BNC2: variants seen among roughly 807,000 people sequenced by gnomAD.
The protein encoded by BNC2 is zinc finger protein basonuclin-2.
Under a neutral mutation model 76.3 loss-of-function variants are expected in BNC2, and 20 were observed. The ratio of observed to expected loss-of-function variants is 0.26; its 90% confidence interval spans 0.18 to 0.38. The LOEUF is 0.38. BNC2 is among the 10% of genes least tolerant of loss of function. The pLI is 1.00. For missense variants in BNC2, 1,382 were observed against 1,399.8 expected (o/e 0.99, Z 0.20); for synonymous variants, 582 against 514.8 (o/e 1.13, Z -1.77).
intron 1 of BNC2, among the ~76,000 whole-genome samples, chr9:16,829,321 C>A (rs1417883485): frequency 6.6e-6 from 1 of 152,176 alleles, no homozygotes; most frequent in African/African-American, 2.4e-5. Context: ...CTCCTGGCCC[C>A]TACTCACCCT....
chr9:16,559,159 G>T (rs1186019502), intron 4 of BNC2, among the ~76,000 whole-genome samples: 3 of 152,136 alleles, frequency 2.0e-5, no homozygotes, highest in African/African-American at 7.2e-5. Flanking sequence ...AACCCTTTAA[G>T]TATCAACTAT....
intron 1 of BNC2, among the ~76,000 whole-genome samples, chr9:16,763,460 C>G: frequency 6.6e-6 from 1 of 151,980 alleles, no homozygotes; most frequent in Non-Finnish European, 1.5e-5. Context: ...GTCCCAGCTA[C>G]ATGGGAAGCT....
chr9:16,600,760 GAAGT>G (rs1820222651), intron 3 of BNC2, among the ~76,000 whole-genome samples: 1 of 152,118 alleles, frequency 6.6e-6, no homozygotes, highest in East Asian at 1.9e-4. Flanking sequence ...TCTGGTGTTA[GAAGT>G]AATATAAAGA....
intron 3 of BNC2, 32 bp downstream of exon 3, chr9:16,727,762 AAAG>A: frequency 6.3e-7 from 1 of 1,578,008 alleles, no homozygotes; most frequent in Admixed American, 1.8e-5. Flanking sequence ...TTCTTAAAAA[AAAG>A]AAAAAAAAAA....
intron 3 of BNC2, among the ~76,000 whole-genome samples, chr9:16,722,456 C>G (rs1201362317): frequency 1.3e-5 from 2 of 152,128 alleles, no homozygotes; most frequent in East Asian, 1.9e-4. Flanking sequence ...TGAATATACA[C>G]TCATAAATAT....
chr9:16,757,762 C>T (rs573247790), intron 1 of BNC2, among the ~76,000 whole-genome samples: 1 of 148,914 alleles, frequency 6.7e-6, no homozygotes, highest in East Asian at 1.9e-4. Flanking sequence ...GCATCAAGTT[C>T]GTTCTGTTAT....
chr9:16,519,098 G>A (rs1316292130), intron 5 of BNC2, among the ~76,000 whole-genome samples: 3 of 152,136 alleles, frequency 2.0e-5, no homozygotes, highest in Non-Finnish European at 4.4e-5. Flanking sequence ...TTTTAAACAG[G>A]GATGAATGCC....
rs765160831 is a variant in BNC2 at position 16,507,670 on chromosome 9, G to A, written c.669+44860C>T. Among the ~76,000 whole-genome samples, 4 of 152,162 alleles carry A rather than the reference G, an allele frequency of 2.6e-5. No homozygotes were observed. In the South Asian group the frequency reaches 6.2e-4, roughly 24 times the overall value. On this transcript the variant is annotated intron_variant, in intron 5 of 6. Transcript: ENST00000380672. ...TCTTGAACTCCTGACCTTGTGATCCGCCTGCCTTGGCTTCCCAAAGTGCTG... is the reference window on the plus strand; with the variant it reads ...TCTTGAACTCCTGACCTTGTGATCCACCTGCCTTGGCTTCCCAAAGTGCTG...
At chr9:16,726,649 A>G (rs909661810) in intron 3 of BNC2, among the ~76,000 whole-genome samples, 5 of 151,994 alleles carry the variant, frequency 3.3e-5, no homozygotes, top group Non-Finnish European at 7.3e-5. Context: ...TTAAAATCCA[A>G]GTATATTTGT....
intron 5 of BNC2, among the ~76,000 whole-genome samples, chr9:16,490,260 A>T (rs139953262): frequency 2.6e-3 from 390 of 152,282 alleles, no homozygotes; most frequent in Admixed American, 0.017. Context: ...AGGCACTTCT[A>T]ACATGGCAGC....
At chr9:16,569,526 T>C (rs1819261090) in intron 4 of BNC2, among the ~76,000 whole-genome samples, 1 of 152,114 alleles carries the variant, frequency 6.6e-6, no homozygotes, top group African/African-American at 2.4e-5. Context: ...TTACGCATAA[T>C]AAAGTCCTCA....
rs192900710 is a variant in BNC2 at position 16,735,565 on chromosome 9, C to A, written c.129+2795G>T. Among the ~76,000 whole-genome samples, 256 of 152,186 alleles carry A rather than the reference C, an allele frequency of 1.7e-3. 2 individuals are homozygous for A. The highest frequency in any genetic ancestry group is 5.8e-3 in the African/African-American group (242 of 41,540). Reference sequence around the variant, plus strand: ...AGGCTGGAGTGCAGTGCCGTGATCTCGGGTTACTGCAAGCTCCACCTCCTG... The same window carrying A: ...AGGCTGGAGTGCAGTGCCGTGATCTAGGGTTACTGCAAGCTCCACCTCCTG... On this transcript the variant is annotated intron_variant, in intron 2 of 6. Transcript: ENST00000380672.
intron 3 of BNC2, among the ~76,000 whole-genome samples, chr9:16,697,007 C>T (rs1306230062): frequency 6.6e-6 from 1 of 152,202 alleles, no homozygotes; most frequent in Non-Finnish European, 1.5e-5. Flanking sequence ...ATCTCTAGAA[C>T]ATGACTCCAA....
chr9:16,785,415 G>C (rs998211162), intron 1 of BNC2, among the ~76,000 whole-genome samples: 3 of 152,056 alleles, frequency 2.0e-5, no homozygotes, highest in African/African-American at 7.2e-5. Context: ...TTTTAGTTAA[G>C]ACAGAGTTTT....
At chr9:16,749,255 C>G (rs1046037279) in intron 1 of BNC2, among the ~76,000 whole-genome samples, 8 of 152,274 alleles carry the variant, frequency 5.3e-5, no homozygotes, top group East Asian at 1.9e-4. Context: ...TAAATAAGCA[C>G]TCTCTTACAA....
intron 1 of BNC2, among the ~76,000 whole-genome samples, chr9:16,817,255 T>A (rs916067424): frequency 1.3e-5 from 2 of 152,152 alleles, no homozygotes; most frequent in Admixed American, 1.3e-4. Flanking sequence ...CTAGAAACAC[T>A]GCTGCCTGAA....
chr9:16,605,734 C>A (rs2133358016), intron 3 of BNC2, among the ~76,000 whole-genome samples: 1 of 149,578 alleles, frequency 6.7e-6, no homozygotes, highest in South Asian at 2.1e-4. Context: ...AGTTCAGAGT[C>A]TGTGATATAA....
chr9:16,465,000 C>T (rs573918230), intron 5 of BNC2, among the ~76,000 whole-genome samples: 19 of 152,288 alleles, frequency 1.2e-4, no homozygotes, highest in Admixed American at 6.5e-4. Flanking sequence ...TTCTAACACA[C>T]GACTTTTAAT....
chr9:16,794,659 C>T (rs1817598106), intron 1 of BNC2, among the ~76,000 whole-genome samples: 1 of 152,090 alleles, frequency 6.6e-6, no homozygotes, highest in African/African-American at 2.4e-5. Context: ...ATACTTTACC[C>T]ATTAGGTGAG....
Sources: gnomAD v4.1 joint callset for allele counts (sites outside exome capture counted in the v4.1 genomes callset) on GRCh38, gnomAD v4.1.1 for gene constraint, MANE v1.5 for transcripts, NCBI Gene and HGNC (gene_info 2026-07-23, HGNC 2026-07-21) for gene names.